EPS8: variants seen among roughly 807,000 people sequenced by gnomAD.
EPS8 encodes EGFR pathway substrate 8, signaling adaptor, also known as epidermal growth factor receptor kinase substrate 8.
Under a neutral mutation model 103.8 loss-of-function variants are expected in EPS8, and 42 were observed. The observed-to-expected ratio is 0.40, with a 90% CI of 0.32 to 0.52. EPS8 has a LOEUF of 0.52. EPS8 is among the 20% of genes least tolerant of loss of function. EPS8 has a pLI of 0.40. For missense variants in EPS8, 969 were observed against 1,005.1 expected, an observed-to-expected ratio of 0.96 and a Z score of 0.49; for synonymous variants, 344 against 344.6, an observed-to-expected ratio of 1.00 and a Z score of 0.02.
chr12:15,708,527 T>C (rs1287187621), intron 1 of EPS8, among the ~76,000 whole-genome samples: 1 of 152,166 alleles, frequency 6.6e-6, no homozygotes, highest in Non-Finnish European at 1.5e-5. Context: ...GCTCATAACA[T>C]GTGGCAAAGT....
chr12:15,641,468 G>A (rs1266995033), intron 16 of EPS8, among the ~76,000 whole-genome samples: 1 of 151,426 alleles, frequency 6.6e-6, no homozygotes, highest in Non-Finnish European at 1.5e-5. Flanking sequence ...GAAGAAAGAG[G>A]GCAAGGAAGA....
chr12:15,697,247 A>C lies in EPS8; in HGVS notation c.-21-14275T>G, dbSNP rs1946255248. ...CCCCCCAAATTAACTCCAGCTCTTG[A>C]TTAAATAAACTGGATATCACTTACA... is the stretch of plus-strand genomic sequence containing the variant. On this transcript the variant is annotated intron_variant, in intron 1 of 20. Transcript: ENST00000281172. This position sits in a 1 kb window ranked among gnomAD's most constrained non-coding sequence, Gnocchi z 5.6. 6.6e-6 allele frequency among the ~76,000 whole-genome samples: 1 copy of C among 152,260 alleles called. No individual in the cohort carries two copies. Among genetic ancestry groups the C allele is most frequent in the Non-Finnish European group, 1.5e-5 (1 of 68,046 alleles).
At position 15,700,185 on chromosome 12, in the gene EPS8, T is replaced by A. The variant is rs1946294960; in HGVS notation, c.-21-17213A>T. On this transcript the variant is annotated intron_variant, in intron 1 of 20. Coordinates refer to ENST00000281172, the MANE Select transcript of EPS8 (RefSeq NM_004447.6). This position sits in a 1 kb window ranked among gnomAD's most constrained non-coding sequence, Gnocchi z 5.1. ...CAACAACAACAAAAAAAGAAACTCTTCCCTAACCAACTCAACGTTAACAAT... is the reference window on the plus strand; with the variant it reads ...CAACAACAACAAAAAAAGAAACTCTACCCTAACCAACTCAACGTTAACAAT... Among the ~76,000 whole-genome samples the A allele has an allele frequency of 6.6e-6, 1 of 151,980 alleles. No homozygotes were observed. Among genetic ancestry groups the A allele is most frequent in the Non-Finnish European group, 1.5e-5 (1 of 67,940 alleles).
At chr12:15,680,928 A>G (rs950280693) in intron 3 of EPS8, among the ~76,000 whole-genome samples, 3 of 152,160 alleles carry the variant, frequency 2.0e-5, no homozygotes, top group African/African-American at 7.2e-5. Context: ...ACAAAGATCA[A>G]CAAACATTAT....
chr12:15,693,716 A>C lies in EPS8; in HGVS notation c.-21-10744T>G, dbSNP rs1318503053. The stretch of plus-strand genomic sequence containing the variant: ...ACCATGGAATACTATGCAGCCATAA[A>C]AAGGAATGAAAACATGTCCTTTGCA... On this transcript the variant is annotated intron_variant, in intron 1 of 20. Coordinates refer to ENST00000281172, the MANE Select transcript of EPS8 (RefSeq NM_004447.6). This position sits in a 1 kb window ranked among gnomAD's most constrained non-coding sequence, Gnocchi z 5.6. Among the ~76,000 whole-genome samples the C allele has an allele frequency of 2.0e-5, 3 of 152,250 alleles. No homozygotes were observed. Among genetic ancestry groups the C allele is most frequent in the African/African-American group, 4.8e-5 (2 of 41,472 alleles).
Position 15,700,681 on chromosome 12 carries a change from G to T in EPS8, c.-21-17709C>A, listed in dbSNP as rs1029195784. ...CATGTATCAATGATGATTTTAACAT[G>T]TGAAAAGCAGAACTTTTGGTAAAAG... On this transcript the variant is annotated intron_variant, in intron 1 of 20. Coordinates refer to ENST00000281172, the MANE Select transcript of EPS8 (RefSeq NM_004447.6). The surrounding 1 kb of genome is among the most constrained non-coding windows in gnomAD (Gnocchi z 5.1). Among the ~76,000 whole-genome samples the T allele has an allele frequency of 3.9e-5, 6 of 152,300 alleles. No individual in the cohort carries two copies. In the South Asian group the frequency reaches 6.2e-4, roughly 16 times the overall value.
rs145010892 is a variant in EPS8, at chr12:15,749,233, C to T, written c.-22+39928G>A. On this transcript the variant is annotated intron_variant, in intron 1 of 20. Transcript: ENST00000281172. The surrounding 1 kb of genome is among the most constrained non-coding windows in gnomAD (Gnocchi z 4.0). Reference sequence around the variant, plus strand: ...ATTTATTCTGGTTTCCAACACTGTCCAATAGGTTTTTCAATATATCTTTTA... The same window carrying T: ...ATTTATTCTGGTTTCCAACACTGTCTAATAGGTTTTTCAATATATCTTTTA... Among the ~76,000 whole-genome samples the T allele has an allele frequency of 2.4e-3, 371 of 152,164 alleles. 1 individual carries two copies. Among genetic ancestry groups the T allele is most frequent in the African/African-American group, 8.6e-3 (357 of 41,520 alleles).
chr12:15,785,223 G>T lies in EPS8; in HGVS notation c.-22+3938C>A, dbSNP rs1591942613. On this transcript the variant is annotated intron_variant, in intron 1 of 20. Transcript: ENST00000281172. This position sits in a 1 kb window ranked among gnomAD's most constrained non-coding sequence, Gnocchi z 4.9. ...GCTACAATCTCACTGAAAAGGATAGGAGGAAAGGTGCTTAGCTGACTAACT... is the reference window on the plus strand; with the variant it reads ...GCTACAATCTCACTGAAAAGGATAGTAGGAAAGGTGCTTAGCTGACTAACT... 6.6e-6 allele frequency among the ~76,000 whole-genome samples: 1 copy of T among 152,236 alleles called. No individual in the cohort carries two copies. The highest frequency in any genetic ancestry group is 1.9e-4 in the East Asian group (1 of 5,180).
chr12:15,671,624 C>CAA (rs1945819529), intron 3 of EPS8: 1 of 151,702 alleles, frequency 6.6e-6, no homozygotes, highest in African/African-American at 2.4e-5. Context: ...GCTGCAAAAC[C>CAA]AAAAAAATAA....
At position 15,693,978 on chromosome 12, in the gene EPS8, G is replaced by A. The variant is rs764703062; in HGVS notation, c.-21-11006C>T. ...TAACACCTAGGTGATGGGTTGACAG[G>A]GGCAGCAAACCACAATGGAACACGT... is the stretch of plus-strand genomic sequence containing the variant. On this transcript the variant is annotated intron_variant, in intron 1 of 20. Transcript: ENST00000281172. This position sits in a 1 kb window ranked among gnomAD's most constrained non-coding sequence, Gnocchi z 5.6. Among the ~76,000 whole-genome samples the A allele has an allele frequency of 6.6e-6, 1 of 152,076 alleles. No homozygotes were observed. Among genetic ancestry groups the A allele is most frequent in the Non-Finnish European group, 1.5e-5 (1 of 68,024 alleles).
intron 1 of EPS8, among the ~76,000 whole-genome samples, chr12:15,699,879 G>C (rs950985657): frequency 6.6e-6 from 1 of 152,182 alleles, no homozygotes; most frequent in Non-Finnish European, 1.5e-5. Flanking sequence ...CCTTAGGCCA[G>C]GTGCGGTGGC....
At position 15,653,995 on chromosome 12, in the gene EPS8, T is replaced by C. The variant is rs1399901894; in HGVS notation, c.1250+150A>G. 6 of 689,644 alleles carry C rather than the reference T, an allele frequency of 8.7e-6. No homozygotes were observed. The African/African-American group carries it at 9.0e-5, about 10-fold the overall frequency. The allele number at this position is 689,644 out of a possible 1,614,324, so 42.7% of individuals were successfully genotyped here. A position where few individuals can be genotyped will look rare whatever the true frequency, so the allele number is the denominator to read the frequency against. On this transcript the variant is annotated intron_variant, in intron 13 of 20. Transcript: ENST00000281172. ...CTTATATTACATACACTTCTATCTC[T>C]TCCACTAGACTTCTAGCCTTTAAGG...
chr12:15,744,907 C>T (rs749796812), intron 1 of EPS8, among the ~76,000 whole-genome samples: 5 of 152,004 alleles, frequency 3.3e-5, no homozygotes, highest in Non-Finnish European at 2.9e-5. Flanking sequence ...GACAGACTCT[C>T]GCTCTGTCAC....
intron 3 of EPS8, among the ~76,000 whole-genome samples, chr12:15,678,575 T>C (rs1945948932): frequency 6.6e-6 from 1 of 152,176 alleles, no homozygotes; most frequent in Non-Finnish European, 1.5e-5. Context: ...TTGATAATCA[T>C]CTAACTTGAA....
Position 15,751,123 on chromosome 12 carries a change from C to T in EPS8, c.-22+38038G>A, listed in dbSNP as rs768453630. ...TGTAAATCCCAGCTCTTTGGGAGGA[C>T]GAGGCAGGCGGATCACTTGAGGTCA... is the stretch of plus-strand genomic sequence containing the variant. On this transcript the variant is annotated intron_variant, in intron 1 of 20. Coordinates refer to ENST00000281172, the MANE Select transcript of EPS8 (RefSeq NM_004447.6). The surrounding 1 kb of genome is among the most constrained non-coding windows in gnomAD (Gnocchi z 4.3). 5.3e-5 allele frequency among the ~76,000 whole-genome samples: 8 copies of T among 152,028 alleles called. No homozygotes were observed. Among genetic ancestry groups the T allele is most frequent in the South Asian group, 2.1e-4 (1 of 4,820 alleles).
chr12:15,705,998 T>G (rs1359586874), intron 1 of EPS8, among the ~76,000 whole-genome samples: 1 of 151,964 alleles, frequency 6.6e-6, no homozygotes, highest in Non-Finnish European at 1.5e-5. Flanking sequence ...GTGTTGCTGC[T>G]ACCACCTATC....
intron 17 of EPS8, among the ~76,000 whole-genome samples, chr12:15,633,297 C>A (rs760277897): frequency 7.2e-5 from 11 of 152,160 alleles, no homozygotes; most frequent in Admixed American, 6.5e-5. Context: ...TTAGCACACA[C>A]CAAAGTCATC....
In EPS8 at chr12:15,684,304, T is replaced by C. The variant is rs1665232866; in HGVS notation, c.-21-1332A>G. ...CAGGGGAAGATTTTACTGACCGTCC[T>C]GGATAGATAAAATCCCACTATCAGA... On this transcript the variant is annotated intron_variant, in intron 1 of 20. Coordinates refer to ENST00000281172, the MANE Select transcript of EPS8 (RefSeq NM_004447.6). This position sits in a 1 kb window ranked among gnomAD's most constrained non-coding sequence, Gnocchi z 4.9. 3 of 152,322 alleles carry C rather than the reference T, an allele frequency of 2.0e-5. No individual in the cohort carries two copies. Among genetic ancestry groups the C allele is most frequent in the African/African-American group, 7.2e-5 (3 of 41,582 alleles). The allele number at this position is 152,322 out of a possible 1,614,324, so 9.4% of individuals were successfully genotyped here. A position where few individuals can be genotyped will look rare whatever the true frequency, so the allele number is the denominator to read the frequency against.
Position 15,621,202 on chromosome 12 carries a change from T to TTA in EPS8, c.*114_*115insTA, listed in dbSNP as rs397773221. 7.8e-5 allele frequency: 43 copies of TTA among 550,162 alleles called. No individual in the cohort carries two copies. The East Asian group carries it at 1.4e-3, about 18-fold the overall frequency. The allele number at this position is 550,162 out of a possible 1,614,324, so 34.1% of individuals were successfully genotyped here. On this transcript the variant is annotated 3_prime_UTR_variant, in exon 21 of 21. Coordinates refer to ENST00000281172, the MANE Select transcript of EPS8 (RefSeq NM_004447.6). ...ACTCAGGTTTGCATGGGTTTTTTTT[T>TTA]ATGGTGATAAATTACATCAAGAAAA...
Sources: allele counts gnomAD v4.1 joint callset (sites outside exome capture counted in the v4.1 genomes callset), GRCh38; gene constraint gnomAD v4.1.1; non-coding constraint Gnocchi (gnomAD v3.1); transcripts MANE v1.5; gene names NCBI Gene and HGNC (gene_info 2026-07-23, HGNC 2026-07-21).